MSL2: variants seen among roughly 807,000 people sequenced by gnomAD.
MSL2 encodes E3 ubiquitin-protein ligase MSL2.
Under a neutral mutation model 35.8 loss-of-function variants are expected in MSL2, and 2 were observed. The ratio of observed to expected loss-of-function variants is 0.06; its 90% confidence interval spans 0.02 to 0.18. The LOEUF is 0.18. MSL2 is among the 10% of genes least tolerant of loss of function. The pLI, the probability that MSL2 is intolerant of heterozygous loss-of-function variation, is 1.00. For missense variants in MSL2, 523 were observed against 706.7 expected (o/e 0.74, Z 2.95); for synonymous variants, 296 against 255.7 (o/e 1.16, Z -1.50).
intron 1 of MSL2, among the ~76,000 whole-genome samples, chr3:136,185,031 G>A (rs1940479832): frequency 6.6e-6 from 1 of 152,090 alleles, no homozygotes; most frequent in Non-Finnish European, 1.5e-5. Context: ...CTGGAGTACA[G>A]TGGCAGGATC....
Position 136,151,471 on chromosome 3 carries a change from A to G in MSL2, c.1410T>C (p.Asn470=). The G allele has an allele frequency of 6.2e-7, 1 of 1,614,236 alleles. No homozygotes were observed. The highest frequency in any genetic ancestry group is 8.5e-7 in the Non-Finnish European group (1 of 1,180,042). The stretch of plus-strand genomic sequence containing the variant: ...GGCCTCGGCATGTAAGAACACTTGG[A>G]TTTTGAGTAGCACGCCCACATTTAC... The part of the protein sequence containing the change: ...KGCKCGRATQ[N]PSVLTCRGQR... The change falls in exon 2 of 2, where the codon AAT becomes AAC. Residue 470 remains asparagine, a synonymous_variant. Coordinates refer to ENST00000309993, the MANE Select transcript of MSL2 (RefSeq NM_018133.4). The surrounding 1 kb of genome is among the most constrained non-coding windows in gnomAD (Gnocchi z 5.2).
chr3:136,195,798 AGGCGGGCGG>A lies in MSL2; in HGVS notation c.-694_-686del, dbSNP rs1179641451. 1.0e-6 allele frequency: 1 copy of A among 984,230 alleles called. No individual in the cohort carries two copies. Among genetic ancestry groups the A allele is most frequent in the Non-Finnish European group, 1.2e-6 (1 of 829,726 alleles). 61.0% of individuals were successfully genotyped at this position (984,230 alleles called of 1,614,324 possible). On this transcript the variant is annotated 5_prime_UTR_variant, in exon 1 of 2. Coordinates refer to ENST00000309993, the MANE Select transcript of MSL2 (RefSeq NM_018133.4). ...CAGCCCGCAGTTCCCCGAGGTGGCG[AGGCGGGCGG>A]GAGTCCTCAACCCGGAGGGGAAGGC...
intron 1 of MSL2, chr3:136,194,304 A>T (rs1161825855): frequency 4.9e-6 from 3 of 611,024 alleles, no homozygotes; most frequent in East Asian, 2.8e-4. Flanking sequence ...CCACGAGTTA[A>T]TTTTTTTTAA....
chr3:136,155,025 T>C (rs1176222782), intron 1 of MSL2, among the ~76,000 whole-genome samples: 3 of 151,826 alleles, frequency 2.0e-5, no homozygotes, highest in African/African-American at 4.8e-5. Flanking sequence ...CTGGCCAACA[T>C]GGTGAAACTC....
At chr3:136,153,970 C>A (rs1201659232) in intron 1 of MSL2, among the ~76,000 whole-genome samples, 3 of 151,750 alleles carry the variant, frequency 2.0e-5, no homozygotes, top group Non-Finnish European at 4.4e-5. Context: ...GTAATCCCAG[C>A]TATTCAGGAG....
chr3:136,192,160 T>C lies in MSL2; in HGVS notation c.142+2812A>G, dbSNP rs116158778. ...CTGGAACAAAGGTTTACAGAAGGTT[T>C]AGACAAGAAAGATAACTTTTTTATT... On this transcript the variant is annotated intron_variant, in intron 1 of 1. Coordinates refer to ENST00000309993, the MANE Select transcript of MSL2 (RefSeq NM_018133.4). 5.6e-3 allele frequency among the ~76,000 whole-genome samples: 848 copies of C among 152,326 alleles called. 9 individuals carry two copies. The highest frequency in any genetic ancestry group is 0.02 in the African/African-American group (813 of 41,578).
chr3:136,169,553 A>G (rs1311838977), intron 1 of MSL2, among the ~76,000 whole-genome samples: 1 of 151,940 alleles, frequency 6.6e-6, no homozygotes, highest in East Asian at 2.0e-4. Context: ...GGTTCAAGCA[A>G]TTCTCCTGCC....
rs1478825099 is a variant in MSL2 at position 136,151,049 on chromosome 3, A to G, written c.*98T>C. On this transcript the variant is annotated 3_prime_UTR_variant, in exon 2 of 2. Transcript: ENST00000309993. The surrounding 1 kb of genome is among the most constrained non-coding windows in gnomAD (Gnocchi z 5.2). ...TGAAAACACTTGATACAAGTGATCTATATGCAGGAGCTCCGGCAAGTTAAA... is the reference window on the plus strand; with the variant it reads ...TGAAAACACTTGATACAAGTGATCTGTATGCAGGAGCTCCGGCAAGTTAAA... 7.7e-7 allele frequency: 1 copy of G among 1,300,830 alleles called. No individual in the cohort carries two copies. The highest frequency in any genetic ancestry group is 1.1e-6 in the Non-Finnish European group (1 of 927,340). 80.6% of individuals were successfully genotyped at this position (1,300,830 alleles called of 1,614,324 possible). A position where few individuals can be genotyped will look rare whatever the true frequency, so the allele number is the denominator to read the frequency against.
At position 136,149,119 on chromosome 3, in the gene MSL2, C is replaced by T. The variant is rs74807413; in HGVS notation, c.*2028G>A. 2 of 118,020 alleles carry T rather than the reference C, an allele frequency of 1.7e-5. No homozygotes were observed. Among genetic ancestry groups the T allele is most frequent in the Admixed American group, 9.0e-5 (1 of 11,108 alleles). 7.3% of individuals were successfully genotyped at this position (118,020 alleles called of 1,614,324 possible). A position where few individuals can be genotyped will look rare whatever the true frequency, so the allele number is the denominator to read the frequency against. On this transcript the variant is annotated 3_prime_UTR_variant, in exon 2 of 2. Coordinates refer to ENST00000309993, the MANE Select transcript of MSL2 (RefSeq NM_018133.4). Reference sequence around the variant, plus strand: ...TCTATATTGCCAACCTCCCATGCATCAAAAAAAAAAAAAAACCCACAAGAT... The same window carrying T: ...TCTATATTGCCAACCTCCCATGCATTAAAAAAAAAAAAAAACCCACAAGAT...
chr3:136,166,048 A>C (rs1472903874), intron 1 of MSL2, among the ~76,000 whole-genome samples: 1 of 144,658 alleles, frequency 6.9e-6, no homozygotes, highest in African/African-American at 2.6e-5. Flanking sequence ...AAAATATTTA[A>C]ATGTACGTAC....
chr3:136,178,136 T>C (rs960976383), intron 1 of MSL2, among the ~76,000 whole-genome samples: 7 of 152,230 alleles, frequency 4.6e-5, no homozygotes, highest in African/African-American at 1.7e-4. Context: ...TCATTTCATA[T>C]TCTGGTAAGA....
intron 1 of MSL2, among the ~76,000 whole-genome samples, chr3:136,161,977 G>A (rs562030528): frequency 6.6e-5 from 10 of 151,414 alleles, no homozygotes; most frequent in East Asian, 2.0e-4. Context: ...TTTCTCTGTC[G>A]CCCAGGCTAG....
rs116388659 is a variant in MSL2, at chr3:136,182,289, G to A, written c.142+12683C>T. 5.1e-3 allele frequency among the ~76,000 whole-genome samples: 769 copies of A among 152,232 alleles called. 4 individuals are homozygous for A. The highest frequency in any genetic ancestry group is 0.016 in the African/African-American group (678 of 41,548). ...ATTTAAATTGTCACATATGGCTAGT[G>A]GCTTTGTATAAAATGTAGGTTTAGA... On this transcript the variant is annotated intron_variant, in intron 1 of 1. Transcript: ENST00000309993.
intron 1 of MSL2, chr3:136,194,499 G>A (rs1328968725): frequency 2.4e-5 from 23 of 977,968 alleles, no homozygotes; most frequent in Admixed American, 6.2e-5. Flanking sequence ...TCCGCGCCGG[G>A]TTCTCCAGCT....
rs1939398368 is a variant in MSL2, at chr3:136,152,329, A to C, written c.552T>G (p.Ile184Met). 5 of 1,614,102 alleles carry C rather than the reference A, an allele frequency of 3.1e-6. No homozygotes were observed. Among genetic ancestry groups the C allele is most frequent in the African/African-American group, 1.3e-5 (1 of 74,938 alleles). The change falls in exon 2 of 2, where the codon ATT becomes ATG. Residue 184 changes from isoleucine (I) to methionine (M), a missense_variant. Around this residue, in one of 5 missense-constraint regions of MSL2, gnomAD observed 361 missense variants for 414.6 expected, o/e 0.87. Coordinates refer to ENST00000309993, the MANE Select transcript of MSL2 (RefSeq NM_018133.4). ...LSPMSESTLS[I>M]AIGSSVINGL... is the part of the protein sequence containing the mutation. The stretch of plus-strand genomic sequence containing the variant: ...CATTGATAACAGAACTGCCAATAGC[A>C]ATGCTGAGGGTGCTTTCAGACATTG...
Position 136,169,308 on chromosome 3 carries a change from A to G in MSL2, c.143-16570T>C, listed in dbSNP as rs571515683. 2.1e-3 allele frequency among the ~76,000 whole-genome samples: 291 copies of G among 139,664 alleles called. 2 individuals carry two copies. The highest frequency in any genetic ancestry group is 0.017 in the Middle Eastern group (4 of 240). 91.6% of individuals were successfully genotyped at this position (139,664 alleles called of 152,430 possible). On this transcript the variant is annotated intron_variant, in intron 1 of 1. Transcript: ENST00000309993. ...AATTTTTGTGCATATGTATGGGGGT[A>G]CACGTGATATTCTGACAAGCATATA...
At chr3:136,167,860 A>G (rs538752771) in intron 1 of MSL2, among the ~76,000 whole-genome samples, 19 of 152,340 alleles carry the variant, frequency 1.2e-4, no homozygotes, top group Non-Finnish European at 2.1e-4. Context: ...CAACGTAATG[A>G]AAGAGAAAAA....
chr3:136,163,379 T>C (rs995882222), intron 1 of MSL2, among the ~76,000 whole-genome samples: 22 of 152,218 alleles, frequency 1.4e-4, no homozygotes, highest in Non-Finnish European at 3.1e-4. Context: ...TGTGTGTGTA[T>C]TTCCTAGCAC....
chr3:136,194,427 T>TC (rs1940776903), intron 1 of MSL2: 1 of 985,202 alleles, frequency 1.0e-6, no homozygotes. Flanking sequence ...CCAACAGCCT[T>TC]CCCCGGCTCG....
Sources: gnomAD v4.1 joint callset for allele counts (sites outside exome capture counted in the v4.1 genomes callset) on GRCh38, gnomAD v4.1.1 for gene constraint, gnomAD v4.1.1 regional missense constraint, Gnocchi (gnomAD v3.1) non-coding constraint, MANE v1.5 for transcripts, NCBI Gene and HGNC (gene_info 2026-07-23, HGNC 2026-07-21) for gene names.